Variants in IMMP1L observed in about 807,000 individuals in gnomAD.
The protein encoded by IMMP1L is inner mitochondrial membrane peptidase subunit 1.
A neutral mutation model predicts 21.8 loss-of-function variants in IMMP1L; 24 were observed. That is an observed-to-expected ratio of 1.10 (90% CI 0.80 to 1.55). IMMP1L has a LOEUF of 1.55. Among genes scored for constraint, IMMP1L ranks in the 40% most tolerant of loss-of-function variants. The pLI is 0.00. For missense variants in IMMP1L, 195 were observed against 200.7 expected (o/e 0.97, Z 0.17); for synonymous variants, 46 against 62.8 (o/e 0.73, Z 1.26).
chr11:31,481,235 T>C (rs1954882507), intron 1 of IMMP1L, among the ~76,000 whole-genome samples: 1 of 152,142 alleles, frequency 6.6e-6, no homozygotes, highest in African/African-American at 2.4e-5. Flanking sequence ...AGCGATATGA[T>C]CTATTGTGAA....
rs967894766 is a variant in IMMP1L at position 31,449,107 on chromosome 11, C to T, written c.321+7153G>A. 7 of 984,138 alleles carry T rather than the reference C, an allele frequency of 7.1e-6. No homozygotes were observed. In the East Asian group the frequency reaches 4.5e-4, roughly 64 times the overall value. The allele number at this position is 984,138 out of a possible 1,614,324, so 61.0% of individuals were successfully genotyped here. On this transcript the variant is annotated intron_variant, in intron 4 of 5. Transcript: ENST00000532287. ...TCACTATAGTCTGCAAAAAACAAGT[C>T]GCTTGTTTAGATACTCTAGTTGTAA...
At chr11:31,469,840 T>C (rs922437040) in intron 1 of IMMP1L, 1 of 152,140 alleles carries the variant, frequency 6.6e-6, no homozygotes, top group South Asian at 2.1e-4. Context: ...GTCAGAAATT[T>C]ACCTTATTTT....
chr11:31,432,554 A>G lies in IMMP1L; in HGVS notation c.447T>C (p.Ser149=). The change falls in exon 6 of 6, where the codon AGT becomes AGC. Residue 149 remains serine, a synonymous_variant. Transcript: ENST00000532287. ...GGCTGGCACGTAAAAATCCAAAATC[A>G]CTCAGAGGCCAAATCTGTAAAATCA... ...GRIFFKIWPL[S]DFGFLRASPN... is the part of the protein sequence containing the mutation. 6.2e-7 allele frequency: 1 copy of G among 1,611,870 alleles called. No homozygotes were observed. The highest frequency in any genetic ancestry group is 1.1e-5 in the South Asian group (1 of 91,034).
At chr11:31,483,028 A>G (rs1307300138) in intron 1 of IMMP1L, among the ~76,000 whole-genome samples, 6 of 152,036 alleles carry the variant, frequency 3.9e-5, no homozygotes, top group African/African-American at 1.4e-4. Context: ...ATCTTAAGAC[A>G]CTATGTTGAA....
intron 1 of IMMP1L, among the ~76,000 whole-genome samples, chr11:31,484,085 G>C (rs948026898): frequency 1.3e-5 from 2 of 151,686 alleles, no homozygotes; most frequent in Non-Finnish European, 3.0e-5. Context: ...AGGGAAAATA[G>C]AATAAAAATA....
intron 1 of IMMP1L, among the ~76,000 whole-genome samples, chr11:31,471,653 T>A (rs761224345): frequency 2.0e-5 from 3 of 152,174 alleles, no homozygotes; most frequent in Non-Finnish European, 4.4e-5. Flanking sequence ...GGTAGTTTTG[T>A]CAGTTTGATG....
chr11:31,473,195 G>A (rs930216730), intron 1 of IMMP1L, among the ~76,000 whole-genome samples: 19 of 152,100 alleles, frequency 1.2e-4, no homozygotes, highest in Non-Finnish European at 1.9e-4. Flanking sequence ...GACTACAGGC[G>A]CCTGCCACCA....
intron 2 of IMMP1L, among the ~76,000 whole-genome samples, chr11:31,462,249 G>A (rs931626395): frequency 1.3e-5 from 2 of 151,204 alleles, no homozygotes; most frequent in African/African-American, 4.9e-5. Context: ...CCAGCAGGCA[G>A]AGGCTGCCGT....
rs771030122 is a variant in IMMP1L at position 31,456,383 on chromosome 11, A to T, written c.198T>A (p.Gly66=). 9.9e-6 allele frequency: 16 copies of T among 1,609,542 alleles called. No individual in the cohort carries two copies. The highest frequency in any genetic ancestry group is 1.7e-4 in the Middle Eastern group (1 of 6,044). The change falls in exon 4 of 6, where the codon GGT becomes GGA. Residue 66 remains glycine (G), a synonymous_variant. Transcript: ENST00000532287. ...TTGGGCTTTTTGCAATCACAATGTC[A>T]CCTCTGAGGGGGAAAAGTCAAAGAA... ...LSRHFYGIQR[G]DIVIAKSPSD...
chr11:31,456,448 A>C, intron 3 of IMMP1L, 62 bp from the exon 4 acceptor site: 1 of 1,313,890 alleles, frequency 7.6e-7, no homozygotes, highest in South Asian at 1.2e-5. Flanking sequence ...CATGCATGGC[A>C]CTGCTTTAAT....
At chr11:31,507,236 C>A (rs1011710694) in intron 1 of IMMP1L, among the ~76,000 whole-genome samples, 1 of 149,240 alleles carries the variant, frequency 6.7e-6, no homozygotes. Context: ...GCCGAGATCG[C>A]GCCACTGCAC....
At position 31,463,185 on chromosome 11, in the gene IMMP1L, C is replaced by A. The variant is rs775378808; in HGVS notation, c.92G>T (p.Gly31Val). The change falls in exon 2 of 6, where the codon GGT (glycine) becomes GTT (valine). Residue 31 changes from glycine (G) to valine (V), a missense_variant. Coordinates refer to ENST00000532287, the MANE Select transcript of IMMP1L (RefSeq NM_001304274.2). ...ATAAAAACTTACCATGACAACACCA[C>A]CAACGTATTCAAAAGCACAATGAGC... ...CIAHCAFEYV[G>V]GVVMCSGPSM... is the part of the protein sequence containing the mutation. 5 of 1,605,884 alleles carry A rather than the reference C, an allele frequency of 3.1e-6. No individual in the cohort carries two copies. The South Asian group carries it at 5.6e-5, about 18-fold the overall frequency.
chr11:31,478,250 C>T (rs192259211), intron 1 of IMMP1L, among the ~76,000 whole-genome samples: 106 of 152,302 alleles, frequency 7.0e-4, no homozygotes, highest in African/African-American at 2.4e-3. Flanking sequence ...GTCTTTCTAG[C>T]TGAAATAAAA....
intron 1 of IMMP1L, among the ~76,000 whole-genome samples, chr11:31,466,264 G>A (rs1284336492): frequency 6.6e-6 from 1 of 151,968 alleles, no homozygotes; most frequent in East Asian, 1.9e-4. Context: ...AGAAAGTGCT[G>A]GCAAGGATGT....
intron 4 of IMMP1L, among the ~76,000 whole-genome samples, chr11:31,438,923 A>G (rs562512380): frequency 2.6e-5 from 4 of 152,282 alleles, no homozygotes; most frequent in South Asian, 4.1e-4. Flanking sequence ...GCAGCAGTAT[A>G]TTTTCATCCT....
At chr11:31,456,796 G>A (rs1953953768) in intron 3 of IMMP1L, among the ~76,000 whole-genome samples, 1 of 135,970 alleles carries the variant, frequency 7.4e-6, no homozygotes, top group South Asian at 2.5e-4. Context: ...ACGGCAAGAG[G>A]ATTGCTTGAA....
intron 3 of IMMP1L, among the ~76,000 whole-genome samples, chr11:31,457,017 C>T (rs1475431624): frequency 6.9e-6 from 1 of 145,796 alleles, no homozygotes; most frequent in Non-Finnish European, 1.5e-5. Flanking sequence ...ATAAATATTG[C>T]GGTCCAGCCA....
At chr11:31,459,008 T>A (rs1954046680) in intron 3 of IMMP1L, among the ~76,000 whole-genome samples, 1 of 152,208 alleles carries the variant, frequency 6.6e-6, no homozygotes, top group Non-Finnish European at 1.5e-5. Context: ...CATGCTACAG[T>A]GGGGCTAGGT....
At chr11:31,472,181 G>A (rs970405619) in intron 1 of IMMP1L, among the ~76,000 whole-genome samples, 1 of 152,196 alleles carries the variant, frequency 6.6e-6, no homozygotes, top group African/African-American at 2.4e-5. Flanking sequence ...CGTTTGCCAT[G>A]TAAGGCAACA....
Sources: gnomAD v4.1 joint callset for allele counts (sites outside exome capture counted in the v4.1 genomes callset) on GRCh38, gnomAD v4.1.1 for gene constraint, MANE v1.5 for transcripts, NCBI Gene and HGNC (gene_info 2026-07-23, HGNC 2026-07-21) for gene names.